Variants in EXOC2 observed in about 807,000 individuals in gnomAD.
The protein encoded by EXOC2 is SEC5-like 1.
Under a neutral mutation model 131.8 loss-of-function variants are expected in EXOC2, and 70 were observed. The ratio of observed to expected loss-of-function variants is 0.53; its 90% CI spans 0.44 to 0.65. The LOEUF (loss-of-function observed/expected upper bound fraction) is 0.65. EXOC2 is among the 30% of genes least tolerant of loss of function. The pLI is 0.00. For synonymous variants in EXOC2, 411 were observed against 398.4 expected, an observed-to-expected ratio of 1.03 and a Z score of -0.38; for missense variants, 923 against 1,108.6, an observed-to-expected ratio of 0.83 and a Z score of 2.38.
intron 1 of EXOC2, among the ~76,000 whole-genome samples, chr6:683,250 G>T (rs1764493106): frequency 6.6e-6 from 1 of 152,122 alleles, no homozygotes; most frequent in African/African-American, 2.4e-5. Flanking sequence ...AAATAAAGAA[G>T]CTAAACAATG....
intron 1 of EXOC2, among the ~76,000 whole-genome samples, chr6:676,620 T>A (rs754206767): frequency 0.03 from 240 of 7,910 alleles, 8 homozygotes; most frequent in East Asian, 0.5. Context: ...GTTCCTCTGG[T>A]GACTCTGCGG....
At chr6:599,262 C>T (rs1425103852) in intron 7 of EXOC2, 37 bp from the exon 8 acceptor site, 20 of 1,502,508 alleles carry the variant, frequency 1.3e-5, no homozygotes, top group Non-Finnish European at 1.8e-5. Flanking sequence ...TAGATGAAAG[C>T]TGATTTTAAT....
intron 1 of EXOC2, among the ~76,000 whole-genome samples, chr6:659,447 G>A (rs1179917866): frequency 1.3e-5 from 2 of 152,166 alleles, no homozygotes; most frequent in East Asian, 1.9e-4. Flanking sequence ...TTTAGCCCCA[G>A]ATAGACTGCA....
At chr6:528,408 C>G (rs1765874319) in intron 23 of EXOC2, among the ~76,000 whole-genome samples, 1 of 152,328 alleles carries the variant, frequency 6.6e-6, no homozygotes, top group South Asian at 2.1e-4. Context: ...TCACTTTACA[C>G]AAGGTCTCAA....
chr6:522,424 T>C (rs752258939), intron 23 of EXOC2, among the ~76,000 whole-genome samples: 6 of 127,642 alleles, frequency 4.7e-5, no homozygotes, highest in Non-Finnish European at 8.0e-5. Context: ...TCAGGTGAAA[T>C]GATGGGGACA....
chr6:674,899 C>G (rs1415786821), intron 1 of EXOC2, among the ~76,000 whole-genome samples: 1 of 152,078 alleles, frequency 6.6e-6, no homozygotes, highest in African/African-American at 2.4e-5. Context: ...CTGCCCCCAG[C>G]CCTACATACC....
At chr6:653,861 CTGT>C in intron 1 of EXOC2, among the ~76,000 whole-genome samples, 1 of 152,308 alleles carries the variant, frequency 6.6e-6, no homozygotes, top group Middle Eastern at 3.4e-3. Flanking sequence ...CAGGTTGACT[CTGT>C]TGTTAGGGGC....
At chr6:619,357 C>T (rs1012991832) in intron 5 of EXOC2, 73 bp downstream of exon 5, 43 of 1,255,236 alleles carry the variant, frequency 3.4e-5, no homozygotes, top group Non-Finnish European at 4.6e-5. Context: ...ACCTAAAACT[C>T]GAGTTACCGT....
At chr6:692,419 G>T (rs1764972840) in intron 1 of EXOC2, among the ~76,000 whole-genome samples, 1 of 152,232 alleles carries the variant, frequency 6.6e-6, no homozygotes, top group South Asian at 2.1e-4. Flanking sequence ...AGGTCTCAAT[G>T]GCAGCTACAA....
At chr6:572,676 G>A (rs1758351768) in intron 12 of EXOC2, 32 bp from the exon 13 acceptor site, 4 of 1,601,834 alleles carry the variant, frequency 2.5e-6, no homozygotes, top group Admixed American at 1.8e-5. Flanking sequence ...TACTATGATT[G>A]TACTTCTGAA....
chr6:620,398 T>C (rs1397494021), intron 4 of EXOC2, among the ~76,000 whole-genome samples: 3 of 152,222 alleles, frequency 2.0e-5, no homozygotes, highest in Admixed American at 1.3e-4. Context: ...TCAAAGGGAC[T>C]ATACTGTCTC....
intron 1 of EXOC2, among the ~76,000 whole-genome samples, chr6:668,902 T>C (rs4521640): frequency 0.61 from 93,554 of 152,132 alleles, 29,089 homozygotes; most frequent in East Asian, 0.79. Context: ...GCATTGTTTT[T>C]TTCTGAATAT....
At chr6:683,569 GA>G (rs1457234084) in intron 1 of EXOC2, among the ~76,000 whole-genome samples, 1 of 147,992 alleles carries the variant, frequency 6.8e-6, no homozygotes, top group Non-Finnish European at 1.5e-5. Flanking sequence ...AAAAGGTCAA[GA>G]AACCAACCGT....
At chr6:486,875 A>G in intron 27 of EXOC2, 111 bp from the exon 28 acceptor site, 1 of 716,980 alleles carries the variant, frequency 1.4e-6, no homozygotes, top group Non-Finnish European at 2.4e-6. Flanking sequence ...CTGTGTGGAG[A>G]AGGCAGCTGA....
chr6:507,294 T>TACAC (rs70982901), intron 23 of EXOC2, among the ~76,000 whole-genome samples: 49 of 71,666 alleles, frequency 6.8e-4, no homozygotes, highest in African/African-American at 1.5e-3. Flanking sequence ...CAGCAGTGAC[T>TACAC]ACACACACAC....
intron 1 of EXOC2, among the ~76,000 whole-genome samples, chr6:685,513 C>T (rs1431475547): frequency 6.6e-6 from 1 of 152,080 alleles, no homozygotes; most frequent in Non-Finnish European, 1.5e-5. Flanking sequence ...GATTTTCTTC[C>T]CCAGTTCTCT....
At chr6:652,327 G>GA (rs1352865468) in intron 1 of EXOC2, among the ~76,000 whole-genome samples, 1 of 152,176 alleles carries the variant, frequency 6.6e-6, no homozygotes, top group African/African-American at 2.4e-5. Flanking sequence ...GGGTTCAAGC[G>GA]ACTCGCCTGG....
At chr6:509,882 G>A (rs545118065) in intron 23 of EXOC2, among the ~76,000 whole-genome samples, 2 of 152,122 alleles carry the variant, frequency 1.3e-5, no homozygotes, top group Non-Finnish European at 1.5e-5. Flanking sequence ...ACTACCTACT[G>A]TATAAACCAC....
chr6:497,456 C>T lies in EXOC2; in HGVS notation c.2470G>A (p.Val824Ile). 6.2e-7 allele frequency: 1 copy of T among 1,613,494 alleles called. No homozygotes were observed. Among genetic ancestry groups the T allele is most frequent in the Non-Finnish European group, 8.5e-7 (1 of 1,179,676 alleles). Residue 824 changes from valine (V) to isoleucine (I), a missense_variant, in exon 25 of 28, where the codon GTA becomes ATA. Transcript: ENST00000230449. ...FTISKELVPR[V>I]LSKVIEAVSE... ...ACTGCTTCTATCACCTTGGATAGTA[C>T]CCGAGGGACCAGTTCTTTGGAAATG...
Sources: allele counts gnomAD v4.1 joint callset (sites outside exome capture counted in the v4.1 genomes callset), GRCh38; gene constraint gnomAD v4.1.1; transcripts MANE v1.5; gene names NCBI Gene and HGNC (gene_info 2026-07-23, HGNC 2026-07-21).